DYDC1: variants seen among roughly 807,000 people sequenced by gnomAD.
The protein encoded by DYDC1 is DPY30 domain-containing protein 1.
A neutral mutation model predicts 27.9 loss-of-function variants in DYDC1; 21 were observed. The observed-to-expected ratio is 0.75, with a 90% CI of 0.53 to 1.08. The LOEUF is 1.08. Among genes scored for constraint, DYDC1 ranks in the 50% least tolerant of loss-of-function variants. The pLI, the probability that DYDC1 is intolerant of heterozygous loss-of-function variation, is 0.00. For missense variants in DYDC1, 202 were observed against 205.9 expected (o/e 0.98, Z 0.12); for synonymous variants, 67 against 65.8 (o/e 1.02, Z -0.09).
intron 3 of DYDC1, among the ~76,000 whole-genome samples, chr10:80,344,372 G>A (rs948525871): frequency 3.6e-4 from 55 of 152,122 alleles, no homozygotes; most frequent in Non-Finnish European, 5.0e-4. Flanking sequence ...TTGACACTGG[G>A]AGCAACATCA....
intron 1 of DYDC1, 179 bp downstream of exon 1, chr10:80,356,533 G>A (rs962187724): frequency 3.1e-5 from 31 of 985,370 alleles, no homozygotes; most frequent in Non-Finnish European, 2.2e-5. Context: ...CGCTCAGGGG[G>A]AGCAGGAGGA....
At chr10:80,352,664 T>C (rs1843074592) in intron 1 of DYDC1, 54 bp from the exon 2 acceptor site, 2 of 1,546,522 alleles carry the variant, frequency 1.3e-6, no homozygotes, top group East Asian at 2.3e-5. Flanking sequence ...AAAGTCACTA[T>C]AAAACTAAAG....
intron 4 of DYDC1, 124 bp from the exon 5 acceptor site, chr10:80,339,277 T>C: frequency 2.5e-6 from 1 of 396,746 alleles, no homozygotes; most frequent in Non-Finnish European, 4.4e-6. Flanking sequence ...GCTGTCACTC[T>C]GAAAGAGAAT....
At chr10:80,342,153 TG>T in intron 4 of DYDC1, 115 bp downstream of exon 4, 1 of 931,624 alleles carries the variant, frequency 1.1e-6, no homozygotes, top group Non-Finnish European at 1.6e-6. Context: ...ACAGCTAGTA[TG>T]TGGCATGTCT....
rs1554846404 is a variant in DYDC1 at position 80,354,129 on chromosome 10, A to AAAAT, written c.-9-1520_-9-1519insATTT. Among the ~76,000 whole-genome samples the AAAAT allele has an allele frequency of 3.7e-4, 54 of 147,670 alleles. No homozygotes were observed. The East Asian group carries it at 6.9e-3, about 19-fold the overall frequency. On this transcript the variant is annotated intron_variant, in intron 1 of 6. Transcript: ENST00000372202. ...AGACTCTGTCTCATATATAAAAAAA[A>AAAAT]ATATATATATATATATTTTTTCCTG...
intron 4 of DYDC1, among the ~76,000 whole-genome samples, chr10:80,340,657 T>C (rs1842289674): frequency 6.6e-6 from 1 of 152,218 alleles, no homozygotes; most frequent in Non-Finnish European, 1.5e-5. Context: ...GTATTTTCTC[T>C]TTCAGTTTAG....
intron 3 of DYDC1, among the ~76,000 whole-genome samples, chr10:80,346,470 T>TTTTTC: frequency 7.2e-6 from 1 of 139,420 alleles, no homozygotes; most frequent in South Asian, 2.3e-4. Context: ...TTTTTTTTTT[T>TTTTTC]TCTTTTTTGA....
intron 3 of DYDC1, among the ~76,000 whole-genome samples, chr10:80,349,393 C>T (rs981940059): frequency 3.3e-5 from 5 of 152,162 alleles, no homozygotes; most frequent in African/African-American, 7.2e-5. Context: ...GTTATTCCTA[C>T]ATAATATGCC....
intron 3 of DYDC1, among the ~76,000 whole-genome samples, chr10:80,342,720 C>T (rs536429027): frequency 3.4e-4 from 52 of 152,168 alleles, no homozygotes; most frequent in African/African-American, 1.2e-3. Context: ...ATGGCTCATG[C>T]CTGTAATCCC....
chr10:80,354,945 G>A (rs1033889469), intron 1 of DYDC1, among the ~76,000 whole-genome samples: 2 of 152,044 alleles, frequency 1.3e-5, no homozygotes, highest in Admixed American at 6.5e-5. Context: ...GCTTATAGAT[G>A]AGAAAGGAAG....
rs371804945 is a variant in DYDC1 at position 80,344,449 on chromosome 10, T to C, written c.250-2088A>G. Among the ~76,000 whole-genome samples the C allele has an allele frequency of 5.9e-5, 9 of 152,310 alleles. No individual in the cohort carries two copies. In the South Asian group the frequency reaches 1.9e-3, roughly 32 times the overall value. On this transcript the variant is annotated intron_variant, in intron 3 of 6. Transcript: ENST00000372202. ...CCTTGGCTCCTGATAAGCAGACAGA[T>C]GTTCCCAACACTGCTCAGTTGTTGT... is the stretch of plus-strand genomic sequence containing the variant.
At chr10:80,348,704 C>A (rs993259279) in intron 3 of DYDC1, among the ~76,000 whole-genome samples, 1 of 152,146 alleles carries the variant, frequency 6.6e-6, no homozygotes, top group Non-Finnish European at 1.5e-5. Context: ...GGCTATTCTA[C>A]AAAGTAATGC....
chr10:80,336,218 A>C (rs1234893963), intron 6 of DYDC1, 33 bp from the exon 7 acceptor site: 34 of 1,560,668 alleles, frequency 2.2e-5, no homozygotes, highest in Non-Finnish European at 2.8e-5. Context: ...ATATTCCTTA[A>C]TACAATTAGA....
rs368117789 is a variant in DYDC1, at chr10:80,352,040, G to T, written c.148-38C>A. 82 of 1,594,764 alleles carry T rather than the reference G, an allele frequency of 5.1e-5. No individual in the cohort carries two copies. In the African/African-American group the frequency reaches 7.8e-4, roughly 15 times the overall value. ...AAAAACAACAGCACACGACTTCTTA[G>T]CGAGAAAGCAATTTGTAAAAGCAAT... On this transcript the variant is annotated intron_variant, in intron 2 of 6. Coordinates refer to ENST00000372202, the MANE Select transcript of DYDC1 (RefSeq NM_001269053.2).
rs1227751643 is a variant in DYDC1 at position 80,345,306 on chromosome 10, A to G, written c.250-2945T>C. Among the ~76,000 whole-genome samples, 5 of 152,188 alleles carry G rather than the reference A, an allele frequency of 3.3e-5. No individual in the cohort carries two copies. In the East Asian group the frequency reaches 9.6e-4, roughly 29 times the overall value. ...TTATGAATTTTTGAGCTCAGGGTCA[A>G]GATTTAACTTTTTATTGTGTAAATT... On this transcript the variant is annotated intron_variant, in intron 3 of 6. Transcript: ENST00000372202.
At chr10:80,345,760 G>A (rs1842578044) in intron 3 of DYDC1, among the ~76,000 whole-genome samples, 2 of 151,812 alleles carry the variant, frequency 1.3e-5, no homozygotes. Context: ...CAAATGGCAG[G>A]ACCTACTTCT....
chr10:80,356,488 G>T, intron 1 of DYDC1: 1 of 985,330 alleles, frequency 1.0e-6, no homozygotes, highest in Non-Finnish European at 1.2e-6. Context: ...AGTCTGGAAG[G>T]GTCTCCCGCA....
chr10:80,338,899 T>C (rs903894073), intron 5 of DYDC1, among the ~76,000 whole-genome samples, 198 bp downstream of exon 5: 1 of 152,230 alleles, frequency 6.6e-6, no homozygotes, highest in African/African-American at 2.4e-5. Flanking sequence ...ACAAACTGAA[T>C]GTCCAATTTT....
intron 1 of DYDC1, among the ~76,000 whole-genome samples, chr10:80,355,935 C>T (rs1050618233): frequency 1.3e-5 from 2 of 150,056 alleles, no homozygotes; most frequent in African/African-American, 4.9e-5. Flanking sequence ...TAGGATATAC[C>T]TGAAAGACCA....
Sources: gnomAD v4.1 joint callset for allele counts (sites outside exome capture counted in the v4.1 genomes callset) on GRCh38, gnomAD v4.1.1 for gene constraint, MANE v1.5 for transcripts, NCBI Gene and HGNC (gene_info 2026-07-23, HGNC 2026-07-21) for gene names.